GPC6: variants seen among roughly 807,000 people sequenced by gnomAD.
The protein encoded by GPC6 is glypican 6, also known as glypican-6.
Under a neutral mutation model 55.2 loss-of-function variants are expected in GPC6, and 14 were observed. The ratio of observed to expected loss-of-function variants is 0.25; its 90% confidence interval spans 0.17 to 0.40. The LOEUF (loss-of-function observed/expected upper bound fraction) is 0.40, where lower values mean the gene tolerates loss of function less well. Ranked by LOEUF, GPC6 falls within the 10% of genes least tolerant of loss-of-function variation. The pLI is 1.00. For synonymous variants in GPC6, 278 were observed against 259.6 expected, an observed-to-expected ratio of 1.07 and a Z score of -0.68; for missense variants, 641 against 708.5, an observed-to-expected ratio of 0.90 and a Z score of 1.08.
intron 1 of GPC6, among the ~76,000 whole-genome samples, chr13:93,291,226 C>A (rs570296664): frequency 7.9e-5 from 12 of 152,254 alleles, no homozygotes; most frequent in Non-Finnish European, 1.6e-4. Context: ...GATGGCCAGA[C>A]CTCTGCTTAG....
chr13:94,000,690 G>T (rs1318797762), intron 3 of GPC6, among the ~76,000 whole-genome samples: 1 of 152,112 alleles, frequency 6.6e-6, no homozygotes, highest in South Asian at 2.1e-4. Context: ...AAAGGTACAT[G>T]AATTCAGTTA....
At chr13:93,751,255 T>G (rs1181629798) in intron 2 of GPC6, among the ~76,000 whole-genome samples, 2 of 152,152 alleles carry the variant, frequency 1.3e-5, no homozygotes, top group Admixed American at 1.3e-4. Flanking sequence ...TTTCTCCTCC[T>G]GAAATCAGAG....
At chr13:93,824,740 A>T (rs1270761800) in intron 2 of GPC6, among the ~76,000 whole-genome samples, 2 of 152,132 alleles carry the variant, frequency 1.3e-5, no homozygotes, top group Non-Finnish European at 2.9e-5. Context: ...CTGTTCTAAG[A>T]TGTGGTTTGT....
intron 4 of GPC6, among the ~76,000 whole-genome samples, chr13:94,266,156 T>G (rs924730767): frequency 5.8e-5 from 8 of 136,880 alleles, no homozygotes; most frequent in African/African-American, 2.4e-4. Flanking sequence ...CTTTTCTTTT[T>G]TTTTTTTGTT....
chr13:93,380,378 G>T (rs1363598526), intron 1 of GPC6, among the ~76,000 whole-genome samples: 3 of 152,078 alleles, frequency 2.0e-5, no homozygotes, highest in African/African-American at 7.2e-5. Flanking sequence ...GATATTTATG[G>T]TTTGTTTAGA....
At chr13:94,263,196 G>A (rs1437065158) in intron 4 of GPC6, among the ~76,000 whole-genome samples, 2 of 152,236 alleles carry the variant, frequency 1.3e-5, no homozygotes, top group African/African-American at 4.8e-5. Context: ...TTGGAGAAGA[G>A]TTGGGAAGCC....
At chr13:93,847,039 TTC>T (rs1489761704) in intron 3 of GPC6, among the ~76,000 whole-genome samples, 2 of 152,184 alleles carry the variant, frequency 1.3e-5, no homozygotes, top group East Asian at 1.9e-4. Context: ...TGGAGAAATA[TTC>T]TGTCTTTTCA....
chr13:94,271,820 C>G (rs998286277), intron 4 of GPC6, among the ~76,000 whole-genome samples: 2 of 152,056 alleles, frequency 1.3e-5, no homozygotes, highest in Non-Finnish European at 2.9e-5. Flanking sequence ...TTTATCTTCA[C>G]CATGTGGCAT....
At chr13:94,262,724 A>T (rs576062548) in intron 4 of GPC6, among the ~76,000 whole-genome samples, 1 of 152,226 alleles carries the variant, frequency 6.6e-6, no homozygotes, top group South Asian at 2.1e-4. Context: ...GTAAACTTGA[A>T]ACATGCTTAG....
chr13:93,322,662 A>AGGTGATCCGCCCTCAGGTGATC (rs1160832030), intron 1 of GPC6, among the ~76,000 whole-genome samples: 56 of 150,086 alleles, frequency 3.7e-4, no homozygotes, highest in East Asian at 3.9e-4. Flanking sequence ...CTGGTGTCGA[A>AGGTGATCCGCCCTCAGGTGATC]CTCCTGACCT....
chr13:93,671,488 T>C (rs1164577348), intron 2 of GPC6, among the ~76,000 whole-genome samples: 1 of 152,118 alleles, frequency 6.6e-6, no homozygotes, highest in Non-Finnish European at 1.5e-5. Flanking sequence ...TTCTGTTGTA[T>C]CTTCCCTCTG....
intron 2 of GPC6, among the ~76,000 whole-genome samples, chr13:93,636,801 C>T (rs1028941761): frequency 1.3e-5 from 2 of 152,142 alleles, no homozygotes; most frequent in South Asian, 4.1e-4. Context: ...TTTTAAGTCC[C>T]TGGGATTTTA....
At chr13:93,400,613 T>C (rs1876035408) in intron 1 of GPC6, among the ~76,000 whole-genome samples, 1 of 152,200 alleles carries the variant, frequency 6.6e-6, no homozygotes, top group African/African-American at 2.4e-5. Context: ...TTGGGCTGTT[T>C]GTAACACAAA....
chr13:93,836,216 A>G (rs948992559), intron 3 of GPC6: 2 of 152,228 alleles, frequency 1.3e-5, no homozygotes, highest in African/African-American at 4.8e-5. Flanking sequence ...TGTTATTACC[A>G]AATTTAATGA....
At chr13:94,392,507 A>G (rs1369321281) in intron 7 of GPC6, among the ~76,000 whole-genome samples, 1 of 145,986 alleles carries the variant, frequency 6.8e-6, no homozygotes, top group Non-Finnish European at 1.5e-5. Context: ...TCAGCTCACC[A>G]CAACCTCCGC....
At chr13:93,505,450 CAGAG>C (rs1351293040) in intron 1 of GPC6, among the ~76,000 whole-genome samples, 4 of 151,752 alleles carry the variant, frequency 2.6e-5, no homozygotes, top group Non-Finnish European at 4.4e-5. Context: ...CACACACACA[CAGAG>C]ACAGAGAGAG....
At chr13:93,518,170 G>C (rs935425878) in intron 1 of GPC6, among the ~76,000 whole-genome samples, 14 of 151,854 alleles carry the variant, frequency 9.2e-5, no homozygotes, top group Non-Finnish European at 2.1e-4. Context: ...TGAATTTTAT[G>C]TCTATCGAAG....
chr13:93,789,006 G>T (rs1401767429), intron 2 of GPC6, among the ~76,000 whole-genome samples: 1 of 152,048 alleles, frequency 6.6e-6, no homozygotes. Context: ...TTGAGATTCA[G>T]GTTTTATTTT....
At chr13:94,288,185 G>A (rs1442021282) in intron 5 of GPC6, among the ~76,000 whole-genome samples, 5 of 151,974 alleles carry the variant, frequency 3.3e-5, no homozygotes, top group Non-Finnish European at 5.9e-5. Flanking sequence ...ACATAACATA[G>A]CACCAGACAA....
Sources: allele counts gnomAD v4.1 joint callset (sites outside exome capture counted in the v4.1 genomes callset), GRCh38; gene constraint gnomAD v4.1.1; transcripts MANE v1.5; gene names NCBI Gene and HGNC (gene_info 2026-07-23, HGNC 2026-07-21).